Variants in DCC observed in about 807,000 individuals in gnomAD.
DCC encodes the protein DCC netrin 1 receptor.
In DCC, 58 loss-of-function variants were observed where a neutral mutation model predicts 172.5. The observed-to-expected ratio is 0.34, with a 90% confidence interval of 0.27 to 0.42. The LOEUF is 0.42. DCC is among the 10% of genes least tolerant of loss of function. The probability of loss-of-function intolerance (pLI) is 1.00; values close to 1 mark genes in which losing one functional copy is unlikely to be tolerated. For missense variants in DCC, 1,740 were observed against 1,791.0 expected (o/e 0.97, Z 0.51); for synonymous variants, 709 against 644.5 (o/e 1.10, Z -1.52).
At chr18:52,453,285 A>G (rs1418418658) in intron 1 of DCC, among the ~76,000 whole-genome samples, 1 of 152,236 alleles carries the variant, frequency 6.6e-6, no homozygotes, top group Non-Finnish European at 1.5e-5. Flanking sequence ...CATTCTTTAA[A>G]TGTTAGTACC....
At chr18:53,397,595 CTA>C (rs1909036390) in intron 18 of DCC, 149 bp downstream of exon 18, 1 of 834,764 alleles carries the variant, frequency 1.2e-6, no homozygotes, top group Admixed American at 2.3e-5. Context: ...ACTTTTATAT[CTA>C]AGAGTATTCT....
At chr18:52,700,121 G>A (rs560159641) in intron 1 of DCC, among the ~76,000 whole-genome samples, 3 of 139,944 alleles carry the variant, frequency 2.1e-5, no homozygotes, top group South Asian at 4.9e-4. Flanking sequence ...CTGCTCTCTC[G>A]TTTGCGCTCT....
At chr18:52,804,412 A>G (rs1789585813) in intron 2 of DCC, among the ~76,000 whole-genome samples, 1 of 152,220 alleles carries the variant, frequency 6.6e-6, no homozygotes, top group African/African-American at 2.4e-5. Flanking sequence ...TAAAACTTCA[A>G]CTTATGAAAT....
chr18:52,898,717 A>ATT (rs2039768716), intron 2 of DCC, among the ~76,000 whole-genome samples: 1 of 149,718 alleles, frequency 6.7e-6, no homozygotes. Flanking sequence ...TTTTTTTAGC[A>ATT]TCACAAAGGA....
chr18:53,321,227 CGTT>C (rs2057408666), intron 13 of DCC, among the ~76,000 whole-genome samples: 1 of 152,078 alleles, frequency 6.6e-6, no homozygotes, highest in Non-Finnish European at 1.5e-5. Flanking sequence ...TCTTTATCAG[CGTT>C]GTTTAATTCC....
At chr18:52,867,688 C>T (rs1013443970) in intron 2 of DCC, among the ~76,000 whole-genome samples, 3 of 152,002 alleles carry the variant, frequency 2.0e-5, no homozygotes. Flanking sequence ...TTATAATATT[C>T]TCTGATGGTA....
At chr18:52,900,908 C>T (rs2039800128) in intron 2 of DCC, among the ~76,000 whole-genome samples, 1 of 152,086 alleles carries the variant, frequency 6.6e-6, no homozygotes, top group Non-Finnish European at 1.5e-5. Context: ...TGTTTGTCTG[C>T]TATTTTTAAT....
chr18:52,818,945 T>C (rs140561133), intron 2 of DCC, among the ~76,000 whole-genome samples: 197 of 152,326 alleles, frequency 1.3e-3, no homozygotes, highest in African/African-American at 4.1e-3. Context: ...TTTGTATTTT[T>C]CTAAGGTGAT....
chr18:53,313,612 A>G (rs942690138), intron 13 of DCC, among the ~76,000 whole-genome samples: 9 of 152,184 alleles, frequency 5.9e-5, no homozygotes, highest in African/African-American at 2.2e-4. Context: ...CTGATTTCTT[A>G]GCTTGATCCA....
At chr18:53,342,807 G>T in intron 15 of DCC, among the ~76,000 whole-genome samples, 1 of 121,726 alleles carries the variant, frequency 8.2e-6, no homozygotes, top group South Asian at 2.9e-4. Flanking sequence ...ATATATTTAG[G>T]ACTGTTTAAA....
chr18:52,939,811 G>T (rs1486640352), intron 5 of DCC, among the ~76,000 whole-genome samples: 1 of 152,150 alleles, frequency 6.6e-6, no homozygotes, highest in African/African-American at 2.4e-5. Context: ...TCAGAGGAAA[G>T]AATAGGGGGC....
chr18:52,899,541 G>T (rs922601591), intron 2 of DCC, among the ~76,000 whole-genome samples: 3 of 151,846 alleles, frequency 2.0e-5, no homozygotes, highest in African/African-American at 7.3e-5. Context: ...TTTTGATAGA[G>T]ACGGGGTTTC....
chr18:52,510,629 T>C (rs564564407), intron 1 of DCC, among the ~76,000 whole-genome samples: 2 of 152,202 alleles, frequency 1.3e-5, no homozygotes, highest in South Asian at 4.1e-4. Context: ...CCATAGAGAG[T>C]GAACTGAGGA....
At chr18:53,191,958 C>T (rs893030170) in intron 9 of DCC, among the ~76,000 whole-genome samples, 4 of 152,186 alleles carry the variant, frequency 2.6e-5, no homozygotes, top group Non-Finnish European at 5.9e-5. Flanking sequence ...TTCTGTGAGA[C>T]GATTTACTGC....
intron 1 of DCC, among the ~76,000 whole-genome samples, chr18:52,565,058 T>C (rs1047250834): frequency 1.3e-5 from 2 of 152,106 alleles, no homozygotes; most frequent in Non-Finnish European, 2.9e-5. Flanking sequence ...CTGGACCTAG[T>C]TGAACAAATT....
At chr18:52,743,277 G>T (rs2036852216) in intron 1 of DCC, among the ~76,000 whole-genome samples, 1 of 152,276 alleles carries the variant, frequency 6.6e-6, no homozygotes, top group East Asian at 1.9e-4. Flanking sequence ...TCTCTACTTA[G>T]AGAAAGACTG....
intron 1 of DCC, among the ~76,000 whole-genome samples, chr18:52,544,529 C>G (rs532629760): frequency 6.6e-6 from 1 of 151,756 alleles, no homozygotes; most frequent in African/African-American, 2.4e-5. Context: ...GATGATCACA[C>G]AGGTTACATT....
chr18:52,978,178 G>A (rs549435440), intron 5 of DCC, among the ~76,000 whole-genome samples: 84 of 152,138 alleles, frequency 5.5e-4, no homozygotes, highest in African/African-American at 2.0e-3. Flanking sequence ...GTATTAAGAA[G>A]TGGAAAACAT....
chr18:52,935,173 A>G (rs1037816181), intron 5 of DCC, among the ~76,000 whole-genome samples: 1 of 145,400 alleles, frequency 6.9e-6, no homozygotes, highest in Non-Finnish European at 1.5e-5. Context: ...CTAGGAGTGT[A>G]AAAAATTCCC....
Sources: allele counts gnomAD v4.1 joint callset (sites outside exome capture counted in the v4.1 genomes callset), GRCh38; gene constraint gnomAD v4.1.1; transcripts MANE v1.5; gene names NCBI Gene and HGNC (gene_info 2026-07-23, HGNC 2026-07-21).